GRSF1: variants seen among roughly 807,000 people sequenced by gnomAD.
The protein encoded by GRSF1 is G-rich RNA sequence binding factor 1.
In GRSF1, 50 loss-of-function variants were observed where a neutral mutation model predicts 51.1. The ratio of observed to expected loss-of-function variants is 0.98; its 90% CI spans 0.78 to 1.24. The LOEUF (loss-of-function observed/expected upper bound fraction) is 1.24. Ranked by LOEUF, GRSF1 falls within the 50% of genes most tolerant of loss-of-function variation. The pLI is 0.00. For missense variants in GRSF1, 700 were observed against 639.7 expected, an observed-to-expected ratio of 1.09 and a Z score of -1.02; for synonymous variants, 293 against 253.3, an observed-to-expected ratio of 1.16 and a Z score of -1.49.
chr4:70,836,864 A>G (rs999943943), intron 1 of GRSF1, among the ~76,000 whole-genome samples: 1 of 152,218 alleles, frequency 6.6e-6, no homozygotes, highest in African/African-American at 2.4e-5. Flanking sequence ...AAGGCGAGAG[A>G]AAGAAGCAGT....
At chr4:70,833,700 G>C (rs571286611) in intron 2 of GRSF1, among the ~76,000 whole-genome samples, 1 of 151,920 alleles carries the variant, frequency 6.6e-6, no homozygotes, top group Non-Finnish European at 1.5e-5. Context: ...TTTTGTTTTT[G>C]TAGAGAGGCG....
At position 70,817,523 on chromosome 4, in the gene GRSF1, A is replaced by C. The variant is rs1049839458; in HGVS notation, c.*3364T>G. ...ATGATGATATAAGGATGGCAGATTA[A>C]GTATATGAAAAGGTGCTCCACATCA... On this transcript the variant is annotated 3_prime_UTR_variant, in exon 10 of 10. Transcript: ENST00000254799. 5.3e-5 allele frequency: 8 copies of C among 152,268 alleles called. No homozygotes were observed. Among genetic ancestry groups the C allele is most frequent in the African/African-American group, 1.9e-4 (8 of 41,472 alleles). The allele number at this position is 152,268 out of a possible 1,614,324, so 9.4% of individuals were successfully genotyped here.
chr4:70,828,060 G>A lies in GRSF1; in HGVS notation c.951-24C>T, dbSNP rs374032500. On this transcript the variant is annotated intron_variant, in intron 5 of 9. Transcript: ENST00000254799. Reference sequence around the variant, plus strand: ...ATCTATGTCAAAGCAAAAGTAAACAGGCACAAATGGTGCAAAGTAACTTTA... The same window carrying A: ...ATCTATGTCAAAGCAAAAGTAAACAAGCACAAATGGTGCAAAGTAACTTTA... 10 of 1,563,610 alleles carry A rather than the reference G, an allele frequency of 6.4e-6. 1 individual carries two copies. In the South Asian group the frequency reaches 1.1e-4, roughly 18 times the overall value.
At chr4:70,840,107 C>A (rs1213537745), upstream of GRSF1, among the ~76,000 whole-genome samples, 1 of 78,256 alleles carries the variant, frequency 1.3e-5, no homozygotes, top group East Asian at 4.3e-4. Flanking sequence ...TTGGGCGGGG[C>A]TGCCCATGGT....
chr4:70,836,222 A>G lies in GRSF1; in HGVS notation c.450T>C (p.Phe150=), dbSNP rs1734202964. ...AGGGCAGTCCTTGAGCTCGAATGAG[A>G]AAGACATCATCCACTTCCTCTTCTA... ...SKLEEEVDDV[F]LIRAQGLPWS... is the part of the protein sequence containing the mutation. The change falls in exon 2 of 10, where the codon TTT becomes TTC. Residue 150 remains phenylalanine (F), a synonymous_variant. Transcript: ENST00000254799. 1 of 1,610,414 alleles carries G rather than the reference A, an allele frequency of 6.2e-7. No homozygotes were observed. The highest frequency in any genetic ancestry group is 8.5e-7 in the Non-Finnish European group (1 of 1,178,358).
chr4:70,824,250 G>T (rs549155208), intron 9 of GRSF1, 44 bp downstream of exon 9: 3 of 835,196 alleles, frequency 3.6e-6, no homozygotes, highest in East Asian at 5.4e-5. Context: ...GATTACAGGT[G>T]TGAGCCACTG....
intron 1 of GRSF1, chr4:70,839,204 A>T: frequency 7.1e-7 from 1 of 1,413,452 alleles, no homozygotes; most frequent in Middle Eastern, 1.9e-4. Context: ...ACAAGGCCTC[A>T]ACATTCACCC....
chr4:70,839,936 C>T, upstream of GRSF1: 1 of 968,202 alleles, frequency 1.0e-6, no homozygotes, highest in African/African-American at 1.7e-5. Context: ...GCACATGCGC[C>T]GCGGGCACTG....
rs1733417291 is a variant in GRSF1, at chr4:70,819,227, A to T, written c.*1660T>A. The T allele has an allele frequency of 6.6e-6, 1 of 152,194 alleles. No homozygotes were observed. The highest frequency in any genetic ancestry group is 2.1e-4 in the South Asian group (1 of 4,834). The allele number at this position is 152,194 out of a possible 1,614,324, so 9.4% of individuals were successfully genotyped here. On this transcript the variant is annotated 3_prime_UTR_variant, in exon 10 of 10. Coordinates refer to ENST00000254799, the MANE Select transcript of GRSF1 (RefSeq NM_002092.4). ...AGATGAATTCCTCACAGTAGGCCCC[A>T]CAGATCTTTTCCACAGCAAATCAGA...
chr4:70,834,889 C>CT (rs1266861162), intron 2 of GRSF1, among the ~76,000 whole-genome samples: 2 of 152,066 alleles, frequency 1.3e-5, no homozygotes, highest in Middle Eastern at 3.2e-3. Context: ...TCCCAAAGTG[C>CT]TGGGATTACA....
chr4:70,836,157 C>A lies in GRSF1; in HGVS notation c.514+1G>T, dbSNP rs768891880. ...ATAAATAAAACATACATAAAATATA[C>A]CTGAAAAAAAGTTAAGCACATCTTC... On this transcript the variant is annotated splice_donor_variant, in intron 2 of 9. Coordinates refer to ENST00000254799, the MANE Select transcript of GRSF1 (RefSeq NM_002092.4). LOFTEE classifies it high-confidence loss of function. 4 of 1,490,908 alleles carry A rather than the reference C, an allele frequency of 2.7e-6. No individual in the cohort carries two copies. The highest frequency in any genetic ancestry group is 2.5e-5 in the East Asian group (1 of 40,614). 92.4% of individuals were successfully genotyped at this position (1,490,908 alleles called of 1,614,324 possible).
At position 70,832,407 on chromosome 4, in the gene GRSF1, G is replaced by A. The variant is rs770470601; in HGVS notation, c.714C>T (p.Ser238=). The change falls in exon 4 of 10, where the codon AGC becomes AGT. Residue 238 remains serine (S), a synonymous_variant. Transcript: ENST00000254799. ...NNEDVDALMK[S]LQVKSSPVVN... ...CCACAGGCGAAGATTTGACCTGCAAGCTCTTCATTAAGGCATCCACATCTT... is the reference window on the plus strand; with the variant it reads ...CCACAGGCGAAGATTTGACCTGCAAACTCTTCATTAAGGCATCCACATCTT... The A allele has an allele frequency of 6.2e-7, 1 of 1,609,846 alleles. No homozygotes were observed. The highest frequency in any genetic ancestry group is 2.2e-5 in the East Asian group (1 of 44,854).
chr4:70,825,470 G>T (rs938798935), intron 7 of GRSF1, 39 bp from the exon 8 acceptor site: 5 of 1,556,540 alleles, frequency 3.2e-6, no homozygotes, highest in Non-Finnish European at 3.5e-6. Context: ...GAACATGATG[G>T]ATGTAAACCT....
At chr4:70,834,778 C>T (rs6854557) in intron 2 of GRSF1, among the ~76,000 whole-genome samples, 8,179 of 152,148 alleles carry the variant, frequency 0.054, 527 homozygotes, top group African/African-American at 0.16. Context: ...CGTGCCACCA[C>T]GCCCGGCTAA....
upstream of GRSF1, among the ~76,000 whole-genome samples, chr4:70,840,380 C>G (rs896584897): frequency 2.6e-5 from 4 of 152,244 alleles, no homozygotes; most frequent in Non-Finnish European, 4.4e-5. Flanking sequence ...AATCCTAGCA[C>G]TTTGGCAGGC....
chr4:70,833,333 TAAGTC>T, intron 2 of GRSF1, 60 bp from the exon 3 acceptor site: 1 of 1,451,268 alleles, frequency 6.9e-7, no homozygotes, highest in South Asian at 1.2e-5. Context: ...CTCAATTATG[TAAGTC>T]ACAAGAATGC....
chr4:70,824,916 A>T (rs1733672612), intron 8 of GRSF1, among the ~76,000 whole-genome samples: 1 of 152,226 alleles, frequency 6.6e-6, no homozygotes, highest in African/African-American at 2.4e-5. Flanking sequence ...CAGCCTGGCC[A>T]ACATGGCGAA....
chr4:70,832,912 C>T (rs1459677915), intron 3 of GRSF1, among the ~76,000 whole-genome samples: 1 of 152,198 alleles, frequency 6.6e-6, no homozygotes, highest in East Asian at 1.9e-4. Context: ...CGCACCACTG[C>T]ACTCCAGCCT....
At chr4:70,823,214 T>C (rs970708178) in intron 9 of GRSF1, among the ~76,000 whole-genome samples, 1 of 151,800 alleles carries the variant, frequency 6.6e-6, no homozygotes, top group African/African-American at 2.4e-5. Context: ...ATGACCAACA[T>C]GGAGAAACCC....
Sources: allele counts gnomAD v4.1 joint callset (sites outside exome capture counted in the v4.1 genomes callset), GRCh38; gene constraint gnomAD v4.1.1; transcripts MANE v1.5; gene names NCBI Gene and HGNC (gene_info 2026-07-23, HGNC 2026-07-21).